Variants in TACC2 observed in about 807,000 individuals in gnomAD.
The protein encoded by TACC2 is transforming acidic coiled-coil-containing protein 2.
Under a neutral mutation model 227.3 loss-of-function variants are expected in TACC2, and 137 were observed. The ratio of observed to expected loss-of-function variants is 0.60; its 90% confidence interval spans 0.52 to 0.69. The LOEUF (loss-of-function observed/expected upper bound fraction) is 0.69. Among genes scored for constraint, TACC2 ranks in the 30% least tolerant of loss-of-function variants. The pLI is 0.00. For missense variants in TACC2, 3,470 were observed against 3,694.4 expected (o/e 0.94, Z 1.57); for synonymous variants, 1,523 against 1,487.5 (o/e 1.02, Z -0.55).
intron 6 of TACC2, among the ~76,000 whole-genome samples, chr10:122,138,782 G>C (rs2090084782): frequency 6.6e-6 from 1 of 152,230 alleles, no homozygotes; most frequent in Non-Finnish European, 1.5e-5. Flanking sequence ...ACATTGGCAA[G>C]TGTCAGATAT....
chr10:122,035,862 G>T (rs1484781985), intron 2 of TACC2, among the ~76,000 whole-genome samples: 1 of 151,894 alleles, frequency 6.6e-6, no homozygotes, highest in Non-Finnish European at 1.5e-5. Context: ...GCTGAGGATG[G>T]AGTGCAGTAG....
intron 7 of TACC2, among the ~76,000 whole-genome samples, chr10:122,185,661 T>C (rs957364878): frequency 2.0e-5 from 3 of 152,212 alleles, no homozygotes; most frequent in Non-Finnish European, 4.4e-5. Context: ...TATTGAGTAA[T>C]GTGCAGGATC....
At chr10:122,109,316 G>T (rs542555723) in intron 5 of TACC2, among the ~76,000 whole-genome samples, 2 of 151,958 alleles carry the variant, frequency 1.3e-5, no homozygotes, top group Non-Finnish European at 2.9e-5. Flanking sequence ...TTAATTTTTT[G>T]AGAGTACATT....
intron 18 of TACC2, among the ~76,000 whole-genome samples, chr10:122,239,771 A>G (rs1282997027): frequency 1.3e-5 from 2 of 152,142 alleles, no homozygotes; most frequent in African/African-American, 2.4e-5. Context: ...TAGGATTTCA[A>G]GATGTCACCA....
intron 7 of TACC2, among the ~76,000 whole-genome samples, chr10:122,166,815 C>G (rs529137436): frequency 2.0e-5 from 3 of 152,296 alleles, no homozygotes; most frequent in African/African-American, 2.4e-5. Context: ...GCAATAGTGA[C>G]CATTTGTTTC....
At chr10:122,207,699 G>A (rs1346561209) in intron 8 of TACC2, among the ~76,000 whole-genome samples, 1 of 152,212 alleles carries the variant, frequency 6.6e-6, no homozygotes, top group East Asian at 1.9e-4. Flanking sequence ...TTCTAAAGAG[G>A]AAAGCCATGC....
chr10:122,200,370 C>T (rs1465690284), intron 8 of TACC2, among the ~76,000 whole-genome samples: 1 of 152,194 alleles, frequency 6.6e-6, no homozygotes, highest in Non-Finnish European at 1.5e-5. Context: ...CTCACCTGCC[C>T]ACAGTGGCCA....
At chr10:122,196,707 C>T (rs1463398881) in intron 8 of TACC2, among the ~76,000 whole-genome samples, 3 of 151,986 alleles carry the variant, frequency 2.0e-5, no homozygotes, top group Non-Finnish European at 2.9e-5. Context: ...CTGGCCGAGG[C>T]GGGCAGATCA....
At chr10:122,152,424 G>A (rs981618401) in intron 7 of TACC2, among the ~76,000 whole-genome samples, 1 of 152,202 alleles carries the variant, frequency 6.6e-6, no homozygotes, top group South Asian at 2.1e-4. Context: ...TGGCCAGAGC[G>A]GCTCTGCTCA....
intron 5 of TACC2, among the ~76,000 whole-genome samples, chr10:122,131,595 G>T (rs1230219831): frequency 6.6e-6 from 1 of 152,166 alleles, no homozygotes; most frequent in Admixed American, 6.5e-5. Flanking sequence ...CAAGGCTGGG[G>T]TTTCTCAACC....
intron 1 of TACC2, among the ~76,000 whole-genome samples, chr10:122,018,193 A>T (rs1321717729): frequency 6.6e-6 from 1 of 151,908 alleles, no homozygotes; most frequent in Non-Finnish European, 1.5e-5. Flanking sequence ...TCAATGTTCA[A>T]CTGCCACTTA....
At chr10:122,191,140 C>T (rs1482326750) in intron 7 of TACC2, among the ~76,000 whole-genome samples, 1 of 150,984 alleles carries the variant, frequency 6.6e-6, no homozygotes, top group Non-Finnish European at 1.5e-5. Flanking sequence ...TTTTAAGAGT[C>T]GAGGTCTCGC....
rs754737818 is a variant in TACC2 at position 122,143,643 on chromosome 10, C to T, written c.5771C>T (p.Pro1924Leu). Residue 1924 changes from proline to leucine, a missense_variant, in exon 7 of 23, where the codon CCA (proline) becomes CTA (leucine). Physicochemically the swap from Pro to Leu is moderately conservative, Grantham distance 98. Around this residue, in one of 10 missense-constraint regions of TACC2, gnomAD observed 1,924 missense variants for 1,978.3 expected, o/e 0.97. Coordinates refer to ENST00000369005, the MANE Select transcript of TACC2 (RefSeq NM_206862.4). ...AAEHIVSPSA[P>L]AGDRVEASTP... ...GAACACATAGTTTCGCCATCTGCCC[C>T]AGCTGGTGACAGAGTAGAAGCTTCC... is the stretch of plus-strand genomic sequence containing the variant. 6.2e-7 allele frequency: 1 copy of T among 1,614,216 alleles called. No homozygotes were observed. Among genetic ancestry groups the T allele is most frequent in the Non-Finnish European group, 8.5e-7 (1 of 1,180,026 alleles).
Position 122,215,415 on chromosome 10 carries a change from G to T in TACC2, c.7308G>T (p.Ser2436=). ...GTGACACATTTAGGGTGAAAAAGTC[G>T]CCAAAACGGTCTCCTCTCTCTGATC... The part of the protein sequence containing the change: ...LKTDTFRVKK[S]PKRSPLSDPP... The change falls in exon 10 of 23, where the codon TCG becomes TCT. Residue 2436 remains serine (S), a synonymous_variant. Coordinates refer to ENST00000369005, the MANE Select transcript of TACC2 (RefSeq NM_206862.4). 6.2e-6 allele frequency: 10 copies of T among 1,613,798 alleles called. No homozygotes were observed. Among genetic ancestry groups the T allele is most frequent in the African/African-American group, 1.3e-5 (1 of 74,980 alleles).
intron 7 of TACC2, among the ~76,000 whole-genome samples, chr10:122,159,842 A>G (rs913427302): frequency 6.6e-6 from 1 of 152,002 alleles, no homozygotes; most frequent in Non-Finnish European, 1.5e-5. Context: ...CTCGGGGTCC[A>G]TTGGTGGTGT....
At chr10:122,179,483 A>G (rs991038604) in intron 7 of TACC2, among the ~76,000 whole-genome samples, 12 of 152,242 alleles carry the variant, frequency 7.9e-5, no homozygotes, top group African/African-American at 1.4e-4. Flanking sequence ...GCAAAAGTAC[A>G]TGCTGGGATC....
chr10:122,234,382 C>T (rs2095817457), intron 16 of TACC2, among the ~76,000 whole-genome samples: 1 of 152,246 alleles, frequency 6.6e-6, no homozygotes, highest in Non-Finnish European at 1.5e-5. Flanking sequence ...ACAGCCATTT[C>T]ACATTTCAAT....
rs1212228565 is a variant in TACC2, at chr10:122,211,201, A to C, written c.6776A>C (p.Lys2259Thr). ...GGGGGGCAAGAGGACTCTCCAGCCAAAGGGCTCTCCGTAAGGCTGGAGTTT... is the reference window on the plus strand; with the variant it reads ...GGGGGGCAAGAGGACTCTCCAGCCACAGGGCTCTCCGTAAGGCTGGAGTTT... Reference protein sequence around the residue: ...DSGGQEDSPAKGLSVRLEFDY... With the variant: ...DSGGQEDSPATGLSVRLEFDY... The change falls in exon 9 of 23, where the codon AAA becomes ACA. Residue 2259 changes from lysine to threonine, a missense_variant. This residue lies in a region of TACC2 where 593 missense variants were observed against 636.6 expected (regional missense o/e 0.93). Coordinates refer to ENST00000369005, the MANE Select transcript of TACC2 (RefSeq NM_206862.4). 5 of 1,613,904 alleles carry C rather than the reference A, an allele frequency of 3.1e-6. No individual in the cohort carries two copies. The highest frequency in any genetic ancestry group is 4.2e-6 in the Non-Finnish European group (5 of 1,179,922).
intron 17 of TACC2, 62 bp from the exon 18 acceptor site, chr10:122,237,899 A>G (rs1171458568): frequency 1.6e-6 from 2 of 1,238,376 alleles, no homozygotes; most frequent in Non-Finnish European, 2.3e-6. Context: ...TGATCTATGA[A>G]TTGCTCAGAG....
Sources: allele counts gnomAD v4.1 joint callset (sites outside exome capture counted in the v4.1 genomes callset), GRCh38; gene constraint gnomAD v4.1.1; regional missense constraint gnomAD v4.1.1; transcripts MANE v1.5; gene names NCBI Gene and HGNC (gene_info 2026-07-23, HGNC 2026-07-21).